ZNF407: variants seen among roughly 807,000 people sequenced by gnomAD.
The protein encoded by ZNF407 is zinc finger protein 407.
A neutral mutation model predicts 131.2 loss-of-function variants in ZNF407; 17 were observed. The ratio of observed to expected loss-of-function variants is 0.13; its 90% CI spans 0.09 to 0.19. The LOEUF (loss-of-function observed/expected upper bound fraction) is 0.19, where lower values mean the gene tolerates loss of function less well. Ranked by LOEUF, ZNF407 falls within the 10% of genes least tolerant of loss-of-function variation. The pLI is 1.00. For missense variants in ZNF407, 2,681 were observed against 2,830.6 expected (o/e 0.95, Z 1.20); for synonymous variants, 1,156 against 1,062.0 (o/e 1.09, Z -1.72).
At chr18:74,911,504 A>G (rs919780306) in intron 7 of ZNF407, among the ~76,000 whole-genome samples, 2 of 152,076 alleles carry the variant, frequency 1.3e-5, no homozygotes, top group Non-Finnish European at 2.9e-5. Flanking sequence ...TTTTTTATTG[A>G]TTTTTATACA....
intron 4 of ZNF407, among the ~76,000 whole-genome samples, chr18:74,809,018 A>T (rs1467250117): frequency 1.3e-5 from 2 of 152,152 alleles, no homozygotes; most frequent in Non-Finnish European, 2.9e-5. Context: ...GGTAAATAAG[A>T]GTGCTCTTTT....
At chr18:74,940,452 C>T (rs1972084357) in intron 8 of ZNF407, among the ~76,000 whole-genome samples, 1 of 151,952 alleles carries the variant, frequency 6.6e-6, no homozygotes, top group Non-Finnish European at 1.5e-5. Flanking sequence ...GAAGCTGGGC[C>T]CAGGAACCAG....
intron 2 of ZNF407, among the ~76,000 whole-genome samples, chr18:74,637,993 A>G (rs1404342718): frequency 1.3e-5 from 2 of 152,212 alleles, no homozygotes; most frequent in African/African-American, 4.8e-5. Context: ...TTACATTAGC[A>G]GGACTAAAAA....
chr18:74,668,020 C>T (rs937867179), intron 3 of ZNF407, among the ~76,000 whole-genome samples: 1 of 152,040 alleles, frequency 6.6e-6, no homozygotes, highest in African/African-American at 2.4e-5. Flanking sequence ...CATCTGTGTT[C>T]CTTCCTGTAC....
intron 7 of ZNF407, chr18:74,897,996 T>TA (rs1971475466): frequency 6.6e-6 from 1 of 152,240 alleles, no homozygotes; most frequent in African/African-American, 2.4e-5. Context: ...AGATACTAGT[T>TA]ATTTCATTTT....
At chr18:75,051,368 G>A (rs1005102022) in intron 8 of ZNF407, among the ~76,000 whole-genome samples, 6 of 152,098 alleles carry the variant, frequency 3.9e-5, no homozygotes, top group Non-Finnish European at 7.4e-5. Flanking sequence ...GCTCACTTAC[G>A]GAACCTAAAA....
intron 8 of ZNF407, among the ~76,000 whole-genome samples, chr18:74,935,937 C>T (rs775474609): frequency 3.3e-5 from 5 of 152,130 alleles, no homozygotes; most frequent in Non-Finnish European, 4.4e-5. Flanking sequence ...CTGGCCTTTT[C>T]TCCCTGTATG....
chr18:75,011,337 A>G (rs576972208), intron 8 of ZNF407, among the ~76,000 whole-genome samples: 6 of 152,128 alleles, frequency 3.9e-5, no homozygotes, highest in African/African-American at 1.2e-4. Flanking sequence ...AATACTATAC[A>G]TTTAATTCTG....
intron 3 of ZNF407, among the ~76,000 whole-genome samples, chr18:74,672,380 C>G (rs73971137): frequency 0.027 from 4,091 of 152,122 alleles, 170 homozygotes; most frequent in African/African-American, 0.088. Flanking sequence ...CGTTGGAGCA[C>G]TGTTTGTTCA....
At chr18:74,769,819 C>T (rs12454566) in intron 3 of ZNF407, among the ~76,000 whole-genome samples, 97,181 of 152,038 alleles carry the variant, frequency 0.64, 33,296 homozygotes, top group East Asian at 0.95. Flanking sequence ...ACTTTCATCA[C>T]TGATTTACTT....
chr18:74,636,116 T>C (rs531172049), intron 2 of ZNF407, among the ~76,000 whole-genome samples: 3 of 152,282 alleles, frequency 2.0e-5, no homozygotes, highest in South Asian at 2.1e-4. Context: ...TTTCTTACAA[T>C]ATCAGGGATG....
intron 8 of ZNF407, among the ~76,000 whole-genome samples, chr18:75,052,459 T>G (rs1447924831): frequency 6.6e-6 from 1 of 152,152 alleles, no homozygotes; most frequent in Non-Finnish European, 1.5e-5. Flanking sequence ...GAGCCCGTCT[T>G]CCGGTCCTCC....
intron 3 of ZNF407, among the ~76,000 whole-genome samples, chr18:74,669,876 CT>C (rs1454705268): frequency 6.6e-6 from 1 of 152,210 alleles, no homozygotes; most frequent in Non-Finnish European, 1.5e-5. Context: ...GTAGAATTCT[CT>C]TTTTTGAGGC....
At chr18:74,866,412 C>T (rs1267310821) in intron 4 of ZNF407, among the ~76,000 whole-genome samples, 5 of 152,038 alleles carry the variant, frequency 3.3e-5, no homozygotes, top group Admixed American at 6.6e-5. Flanking sequence ...GCTAGAAGGC[C>T]GAGATGATGA....
intron 3 of ZNF407, among the ~76,000 whole-genome samples, chr18:74,735,293 C>T (rs576962871): frequency 1.2e-4 from 18 of 152,140 alleles, no homozygotes; most frequent in African/African-American, 1.7e-4. Context: ...TGTTTTTCCA[C>T]GCCTAGTAGC....
chr18:75,023,457 T>C (rs1237720259), intron 8 of ZNF407, among the ~76,000 whole-genome samples: 1 of 152,178 alleles, frequency 6.6e-6, no homozygotes, highest in Admixed American at 6.5e-5. Context: ...GTAATATAAC[T>C]AATAATGTAT....
At chr18:74,675,421 G>A (rs1035885411) in intron 3 of ZNF407, among the ~76,000 whole-genome samples, 2 of 152,056 alleles carry the variant, frequency 1.3e-5, no homozygotes, top group Non-Finnish European at 2.9e-5. Flanking sequence ...CTCCCTCATA[G>A]TAAGCTTCAC....
intron 3 of ZNF407, among the ~76,000 whole-genome samples, chr18:74,759,967 TC>T (rs1332500965): frequency 2.0e-5 from 3 of 151,286 alleles, no homozygotes; most frequent in Non-Finnish European, 2.9e-5. Flanking sequence ...TCTCTCTCTC[TC>T]TCTCTCCATA....
At chr18:74,979,256 C>T (rs570868511) in intron 8 of ZNF407, among the ~76,000 whole-genome samples, 30 of 152,178 alleles carry the variant, frequency 2.0e-4, no homozygotes, top group Admixed American at 1.0e-3. Flanking sequence ...CATTCAAGTG[C>T]GGTTATCAAC....
Sources: allele counts gnomAD v4.1 joint callset (sites outside exome capture counted in the v4.1 genomes callset), GRCh38; gene constraint gnomAD v4.1.1; transcripts MANE v1.5; gene names NCBI Gene and HGNC (gene_info 2026-07-23, HGNC 2026-07-21).